HERC3: variants seen among roughly 807,000 people sequenced by gnomAD.
The protein encoded by HERC3 is probable E3 ubiquitin-protein ligase HERC3.
In HERC3, 58 loss-of-function variants were observed where a neutral mutation model predicts 129.9. The observed-to-expected ratio is 0.45, with a 90% confidence interval of 0.36 to 0.56. HERC3 has a LOEUF of 0.56. Among genes scored for constraint, HERC3 ranks in the 20% least tolerant of loss-of-function variants. HERC3 has a pLI of 0.00. For missense variants in HERC3, 835 were observed against 1,244.2 expected, an observed-to-expected ratio of 0.67 and a Z score of 4.95; for synonymous variants, 430 against 451.0, an observed-to-expected ratio of 0.95 and a Z score of 0.59.
intron 2 of HERC3, among the ~76,000 whole-genome samples, chr4:88,605,507 T>G (rs1176126769): frequency 1.3e-5 from 2 of 152,266 alleles, no homozygotes; most frequent in African/African-American, 4.8e-5. Flanking sequence ...TCTCCTGTAC[T>G]CAGTATCCTT....
chr4:88,652,625 T>G (rs1729415989), intron 5 of HERC3, among the ~76,000 whole-genome samples: 2 of 152,166 alleles, frequency 1.3e-5, no homozygotes, highest in Non-Finnish European at 2.9e-5. Context: ...ACTTATACAT[T>G]TAATATTTTC....
the HERC3 span, among the ~76,000 whole-genome samples, chr4:88,580,294 G>C: frequency 6.6e-6 from 1 of 152,194 alleles, no homozygotes; most frequent in Non-Finnish European, 1.5e-5. Context: ...GGAGGCTGAG[G>C]TGGGTGCATC....
At chr4:88,674,564 A>G (rs763260979) in intron 16 of HERC3, among the ~76,000 whole-genome samples, 2 of 152,232 alleles carry the variant, frequency 1.3e-5, no homozygotes, top group Non-Finnish European at 2.9e-5. Context: ...ACAGATTAGG[A>G]AATTCTGAAT....
the HERC3 span, among the ~76,000 whole-genome samples, chr4:88,573,240 A>C: frequency 6.6e-6 from 1 of 152,230 alleles, no homozygotes; most frequent in Non-Finnish European, 1.5e-5. Flanking sequence ...GAAGAAAACA[A>C]AAATTTACCT....
At chr4:88,559,228 A>G in the HERC3 span, among the ~76,000 whole-genome samples, 2 of 152,250 alleles carry the variant, frequency 1.3e-5, no homozygotes. Flanking sequence ...AACACTAGGC[A>G]TAAATGGGTT....
chr4:88,651,166 C>A (rs1158792112), intron 4 of HERC3, among the ~76,000 whole-genome samples: 1 of 152,128 alleles, frequency 6.6e-6, no homozygotes, highest in African/African-American at 2.4e-5. Flanking sequence ...AAAAATATTT[C>A]ATTTGTTGAT....
the HERC3 span, among the ~76,000 whole-genome samples, chr4:88,556,283 C>T: frequency 6.6e-6 from 1 of 152,158 alleles, no homozygotes; most frequent in African/African-American, 2.4e-5. Flanking sequence ...ATACTAGCAC[C>T]TGTTTAGCTG....
At chr4:88,531,218 T>A in the HERC3 span, among the ~76,000 whole-genome samples, 43,748 of 151,572 alleles carry the variant, frequency 0.29, 7,172 homozygotes, top group East Asian at 0.77. Context: ...TAAAATTTTT[T>A]AATTTAAATT....
At chr4:88,596,059 C>T (rs1435014814) in intron 2 of HERC3, among the ~76,000 whole-genome samples, 1 of 151,962 alleles carries the variant, frequency 6.6e-6, no homozygotes, top group African/African-American at 2.4e-5. Context: ...CTGTGTTAGC[C>T]AGGATGGTCT....
intron 11 of HERC3, 106 bp downstream of exon 11, chr4:88,662,661 G>A (rs1730612623): frequency 2.5e-6 from 3 of 1,182,254 alleles, no homozygotes; most frequent in Non-Finnish European, 3.6e-6. Flanking sequence ...ATGTAAATGG[G>A]GTTTTACATT....
At chr4:88,547,263 G>T in the HERC3 span, among the ~76,000 whole-genome samples, 5 of 152,228 alleles carry the variant, frequency 3.3e-5, no homozygotes, top group East Asian at 9.7e-4. Flanking sequence ...TTTTTGGATA[G>T]AAAGTATAAC....
rs749672775 is a variant in HERC3, at chr4:88,655,231, A to G, written c.835A>G (p.Met279Val). ...CTGTGGGCAACTTGGACACGACTCC[A>G]TGAATGATGAGGTTAACCCTAGAAG... ...GSCGQLGHDS[M>V]NDEVNPRRVL... The change falls in exon 8 of 26, where the codon ATG becomes GTG. Residue 279 changes from methionine to valine, a missense_variant. Met to Val is a conservative substitution (Grantham distance 21). Transcript: ENST00000402738. 3.1e-6 allele frequency: 5 copies of G among 1,614,016 alleles called. No homozygotes were observed. Among genetic ancestry groups the G allele is most frequent in the East Asian group, 2.2e-5 (1 of 44,872 alleles).
At chr4:88,697,761 G>A (rs1560779225) in intron 23 of HERC3, 1 of 1,601,576 alleles carries the variant, frequency 6.2e-7, no homozygotes, top group South Asian at 1.1e-5. Context: ...CCATGTTAGA[G>A]GAGAAGCCGC....
intron 3 of HERC3, among the ~76,000 whole-genome samples, chr4:88,638,400 A>C (rs1440017362): frequency 6.6e-6 from 1 of 152,234 alleles, no homozygotes; most frequent in Admixed American, 6.5e-5. Flanking sequence ...TACCACGATC[A>C]AGTCAGCTTC....
chr4:88,659,060 G>A (rs1429504431), intron 10 of HERC3, among the ~76,000 whole-genome samples: 1 of 152,162 alleles, frequency 6.6e-6, no homozygotes, highest in Non-Finnish European at 1.5e-5. Context: ...CCAGGTTTCT[G>A]TGACAGGGCT....
At chr4:88,628,184 CT>C (rs1006523545) in intron 3 of HERC3, among the ~76,000 whole-genome samples, 2 of 152,056 alleles carry the variant, frequency 1.3e-5, no homozygotes, top group African/African-American at 4.8e-5. Context: ...TTTATTTCTT[CT>C]TTTGGCTCTA....
chr4:88,586,978 G>A, the HERC3 span, among the ~76,000 whole-genome samples: 7 of 152,210 alleles, frequency 4.6e-5, no homozygotes, highest in East Asian at 1.2e-3. Context: ...CTAGGCTTTC[G>A]AGAGCCAACA....
intron 3 of HERC3, among the ~76,000 whole-genome samples, chr4:88,615,683 T>C (rs1213242620): frequency 6.6e-6 from 1 of 152,192 alleles, no homozygotes; most frequent in Non-Finnish European, 1.5e-5. Flanking sequence ...TGTCTACTTA[T>C]TAGGGTTGTG....
chr4:88,667,425 G>C lies in HERC3; in HGVS notation c.1380G>C (p.Leu460=). 1 of 1,610,584 alleles carries C rather than the reference G, an allele frequency of 6.2e-7. No homozygotes were observed. Among genetic ancestry groups the C allele is most frequent in the Non-Finnish European group, 8.5e-7 (1 of 1,178,184 alleles). The change falls in exon 13 of 26, where the codon CTG becomes CTC. Residue 460 remains leucine (L), a synonymous_variant. Transcript: ENST00000402738. ...GTCCCAAAATCCCTGGGATTGACCT[G>C]AACTCAACTAGGGTGTTATTTGAGA... The part of the protein sequence containing the change: ...KTSPKIPGID[L]NSTRVLFEKL...
Sources: allele counts gnomAD v4.1 joint callset (sites outside exome capture counted in the v4.1 genomes callset), GRCh38; gene constraint gnomAD v4.1.1; transcripts MANE v1.5; gene names NCBI Gene and HGNC (gene_info 2026-07-23, HGNC 2026-07-21).